The following ATP2B4 variants were observed in gnomAD, a reference collection of about 807,000 sequenced individuals.
The protein encoded by ATP2B4 is plasma membrane calcium-transporting ATPase 4.
ATP2B4 carries 39 observed loss-of-function variants against 110.3 expected under a neutral mutation model. That is an observed-to-expected ratio of 0.35 (90% CI 0.27 to 0.46). The LOEUF (loss-of-function observed/expected upper bound fraction) is 0.46, where lower values mean the gene tolerates loss of function less well. Among genes scored for constraint, ATP2B4 ranks in the 20% least tolerant of loss-of-function variants. The pLI is 1.00. For missense variants in ATP2B4, 1,135 were observed against 1,530.9 expected (o/e 0.74, Z 4.32); for synonymous variants, 538 against 571.7 (o/e 0.94, Z 0.84).
intron 5 of ATP2B4, 124 bp downstream of exon 5, chr1:203,700,455 C>T: frequency 3.0e-6 from 4 of 1,338,010 alleles, no homozygotes; most frequent in Non-Finnish European, 4.1e-6. Flanking sequence ...GCTGGGGCAA[C>T]AGCATTTTGG....
intron 7 of ATP2B4, among the ~76,000 whole-genome samples, chr1:203,702,494 T>C (rs1274421728): frequency 6.6e-6 from 1 of 152,186 alleles, no homozygotes; most frequent in Non-Finnish European, 1.5e-5. Context: ...CTTGCTAGCT[T>C]CCTCATAAGT....
chr1:203,686,145 C>T (rs1020763233), intron 2 of ATP2B4, among the ~76,000 whole-genome samples: 1 of 152,178 alleles, frequency 6.6e-6, no homozygotes, highest in African/African-American at 2.4e-5. Flanking sequence ...TTTATTCAGT[C>T]ACTTTTACAG....
intron 20 of ATP2B4, among the ~76,000 whole-genome samples, chr1:203,731,317 C>T (rs1666702275): frequency 6.6e-6 from 1 of 152,218 alleles, no homozygotes; most frequent in Admixed American, 6.5e-5. Context: ...GTCTCACTCA[C>T]ATTCTGCCTA....
At chr1:203,694,381 A>G (rs1665472006) in intron 2 of ATP2B4, among the ~76,000 whole-genome samples, 2 of 152,342 alleles carry the variant, frequency 1.3e-5, no homozygotes, top group Middle Eastern at 6.8e-3. Flanking sequence ...CAAGAGTGCC[A>G]GGTAAATACA....
intron 2 of ATP2B4, among the ~76,000 whole-genome samples, chr1:203,689,137 T>G (rs1296362581): frequency 1.3e-5 from 2 of 152,238 alleles, no homozygotes; most frequent in Admixed American, 1.3e-4. Context: ...TTTTACCTTC[T>G]GTGTGGTTTC....
chr1:203,672,288 T>C (rs1053565762), intron 1 of ATP2B4, among the ~76,000 whole-genome samples: 20 of 149,060 alleles, frequency 1.3e-4, no homozygotes, highest in Non-Finnish European at 2.8e-4. Context: ...ATTTTCTGGC[T>C]ATCCTGTTTT....
intron 1 of ATP2B4, chr1:203,657,663 T>TG (rs1664202789): frequency 1.3e-6 from 1 of 795,842 alleles, no homozygotes; most frequent in African/African-American, 1.7e-5. Flanking sequence ...CTCTCGTTCA[T>TG]AAGCCTCTCA....
At chr1:203,662,568 T>TTG (rs922324626) in intron 1 of ATP2B4, among the ~76,000 whole-genome samples, 5 of 152,126 alleles carry the variant, frequency 3.3e-5, no homozygotes, top group Non-Finnish European at 7.4e-5. Context: ...CTGTATTTGT[T>TTG]TGTGTGTGTG....
rs564276859 is a variant in ATP2B4 at position 203,716,434 on chromosome 1, T to C, written c.2406+2157T>C. ...ACATAGGCACCTTCTGCCTAGCACA[T>C]ACCAAAATTCCAGACTCCCAAAAGG... On this transcript the variant is annotated intron_variant, in intron 15 of 20. Transcript: ENST00000357681. Among the ~76,000 whole-genome samples the C allele has an allele frequency of 6.2e-5, 9 of 145,152 alleles. 1 individual carries two copies. The highest frequency in any genetic ancestry group is 1.2e-4 in the Non-Finnish European group (8 of 65,160).
At chr1:203,648,231 G>A (rs1165960459) in intron 1 of ATP2B4, among the ~76,000 whole-genome samples, 1 of 152,010 alleles carries the variant, frequency 6.6e-6, no homozygotes, top group East Asian at 1.9e-4. Flanking sequence ...GTATATGTGT[G>A]AAAGAGAAGC....
At position 203,716,726 on chromosome 1, in the gene ATP2B4, A is replaced by G. The variant is rs2102207045; in HGVS notation, c.2406+2449A>G. Among the ~76,000 whole-genome samples, 2 of 145,022 alleles carry G rather than the reference A, an allele frequency of 1.4e-5. 1 individual carries two copies. The highest frequency in any genetic ancestry group is 7.0e-3 in the Middle Eastern group (2 of 284). On this transcript the variant is annotated intron_variant, in intron 15 of 20. Coordinates refer to ENST00000357681, the MANE Select transcript of ATP2B4 (RefSeq NM_001684.5). ...TGTTTGTCTGCAGAGACTATCCCTC[A>G]GTATAGATTTTGTTGATTATTTCAC...
intron 1 of ATP2B4, among the ~76,000 whole-genome samples, chr1:203,654,271 A>G (rs1664091488): frequency 6.6e-6 from 1 of 152,096 alleles, no homozygotes; most frequent in Non-Finnish European, 1.5e-5. Flanking sequence ...GGTGTGAGCC[A>G]CCGTGCCCGG....
chr1:203,714,375 GC>G, intron 15 of ATP2B4, 98 bp downstream of exon 15: 1 of 1,297,004 alleles, frequency 7.7e-7, no homozygotes, highest in Non-Finnish European at 1.1e-6. Context: ...CACCTGCATA[GC>G]CCATGGGGTG....
At chr1:203,632,112 T>G (rs1571659312) in intron 1 of ATP2B4, among the ~76,000 whole-genome samples, 1 of 151,416 alleles carries the variant, frequency 6.6e-6, no homozygotes. Context: ...ATATTTACAA[T>G]AGGAAATCAT....
Position 203,707,853 on chromosome 1 carries a change from C to G in ATP2B4, c.1315-9C>G. The G allele has an allele frequency of 1.2e-6, 2 of 1,613,436 alleles. No homozygotes were observed. Among genetic ancestry groups the G allele is most frequent in the South Asian group, 1.1e-5 (1 of 91,076 alleles). The stretch of plus-strand genomic sequence containing the variant: ...CCCCCTCTCAAGTCTTTTCTCTTCT[C>G]CTTTGTAGAAAATGATGAAAGACAA... On this transcript the variant is annotated splice_polypyrimidine_tract_variant and intron_variant, in intron 9 of 20. Transcript: ENST00000357681.
chr1:203,736,419 G>C (rs1257294013), intron 20 of ATP2B4, among the ~76,000 whole-genome samples: 2 of 151,916 alleles, frequency 1.3e-5, no homozygotes, highest in Admixed American at 1.3e-4. Flanking sequence ...AGTGAGCTGA[G>C]ATCACGCCAT....
chr1:203,710,882 A>G lies in ATP2B4; in HGVS notation c.1805A>G (p.Asn602Ser). 6.2e-7 allele frequency: 1 copy of G among 1,611,702 alleles called. No individual in the cohort carries two copies. The highest frequency in any genetic ancestry group is 8.5e-7 in the Non-Finnish European group (1 of 1,178,392). ...CTTACTGTGCGCCTCCCCAGGTGTA[A>G]TCGAATCCTGGACCGGAAAGGGGAA... ...GASEIILRKC[N>S]RILDRKGEAV... Residue 602 changes from asparagine to serine, a missense_variant, in exon 12 of 21, where the codon AAT becomes AGT. This residue lies in a region of ATP2B4 where 368 missense variants were observed against 455.9 expected (regional missense o/e 0.81). Transcript: ENST00000357681.
At chr1:203,728,426 T>G (rs2102227290) in intron 20 of ATP2B4, 1 of 233,598 alleles carries the variant, frequency 4.3e-6, no homozygotes, top group Middle Eastern at 6.4e-4. Flanking sequence ...TCCTGAGATT[T>G]TCCATTTCAA....
intron 1 of ATP2B4, among the ~76,000 whole-genome samples, chr1:203,634,156 A>C (rs1007111613): frequency 6.6e-6 from 1 of 152,226 alleles, no homozygotes; most frequent in Non-Finnish European, 1.5e-5. Flanking sequence ...GGAACGATTA[A>C]GTCAAACTAT....
Sources: gnomAD v4.1 joint callset for allele counts (sites outside exome capture counted in the v4.1 genomes callset) on GRCh38, gnomAD v4.1.1 for gene constraint, gnomAD v4.1.1 regional missense constraint, MANE v1.5 for transcripts, NCBI Gene and HGNC (gene_info 2026-07-23, HGNC 2026-07-21) for gene names.